The following GRM3 variants were observed in gnomAD, a reference collection of about 807,000 sequenced individuals.
GRM3 encodes glutamate metabotropic receptor 3, also known as metabotropic glutamate receptor 3.
Under a neutral mutation model 70.5 loss-of-function variants are expected in GRM3, and 26 were observed. The observed-to-expected ratio is 0.37, with a 90% CI of 0.27 to 0.51. GRM3 has a LOEUF of 0.51. GRM3 is among the 20% of genes least tolerant of loss of function. The pLI is 0.93. For synonymous variants in GRM3, 443 were observed against 434.9 expected (o/e 1.02, Z -0.23); for missense variants, 859 against 1,123.8 (o/e 0.76, Z 3.37).
intron 3 of GRM3, among the ~76,000 whole-genome samples, chr7:86,809,180 C>T (rs59711461): frequency 0.072 from 10,867 of 151,974 alleles, 1,277 homozygotes; most frequent in African/African-American, 0.25. Context: ...TCAACTAGAA[C>T]GAGAATCAAT....
intron 1 of GRM3, among the ~76,000 whole-genome samples, chr7:86,722,227 T>G (rs1309295370): frequency 1.3e-5 from 2 of 152,094 alleles, no homozygotes; most frequent in African/African-American, 4.8e-5. Context: ...TGAAATACCA[T>G]TTGACCCAGC....
intron 1 of GRM3, among the ~76,000 whole-genome samples, chr7:86,746,341 T>TATATATATA: frequency 1.1e-5 from 1 of 87,444 alleles, no homozygotes; most frequent in African/African-American, 5.9e-5. Flanking sequence ...CAGTCATGTA[T>TATATATATA]TATATATATA....
At chr7:86,855,169 A>G (rs565066047) in intron 5 of GRM3, among the ~76,000 whole-genome samples, 2 of 152,308 alleles carry the variant, frequency 1.3e-5, no homozygotes, top group African/African-American at 2.4e-5. Context: ...AGATTCCCAG[A>G]GTTGGTTCCT....
chr7:86,664,944 A>G (rs1352840609), intron 1 of GRM3, among the ~76,000 whole-genome samples: 3 of 152,034 alleles, frequency 2.0e-5, no homozygotes, highest in African/African-American at 4.8e-5. Context: ...TGCTTTTAAG[A>G]TATTATAAAC....
intron 3 of GRM3, among the ~76,000 whole-genome samples, chr7:86,823,454 C>A (rs568364170): frequency 6.6e-6 from 1 of 152,034 alleles, no homozygotes; most frequent in Non-Finnish European, 1.5e-5. Flanking sequence ...AATGCTGCCA[C>A]TAAATCACTT....
chr7:86,782,627 T>C (rs1207781338), intron 2 of GRM3, among the ~76,000 whole-genome samples: 1 of 152,226 alleles, frequency 6.6e-6, no homozygotes, highest in Non-Finnish European at 1.5e-5. Context: ...CAGGCTTATG[T>C]CAATCTTCTA....
chr7:86,697,830 G>T (rs1424713414), intron 1 of GRM3, among the ~76,000 whole-genome samples: 1 of 152,068 alleles, frequency 6.6e-6, no homozygotes, highest in Non-Finnish European at 1.5e-5. Context: ...AGAGATACCA[G>T]AACCCATCTC....
intron 1 of GRM3, among the ~76,000 whole-genome samples, chr7:86,733,083 G>A (rs1188222982): frequency 1.3e-5 from 2 of 152,114 alleles, no homozygotes; most frequent in African/African-American, 4.8e-5. Context: ...GGGAGGCTGA[G>A]GTGGGTGGAT....
intron 1 of GRM3, among the ~76,000 whole-genome samples, chr7:86,674,064 G>T (rs1273594762): frequency 6.6e-6 from 1 of 152,046 alleles, no homozygotes; most frequent in Non-Finnish European, 1.5e-5. Flanking sequence ...GCACCAAAAT[G>T]TAGCCATTTA....
intron 1 of GRM3, among the ~76,000 whole-genome samples, chr7:86,666,287 T>A (rs777565139): frequency 4.6e-5 from 7 of 152,028 alleles, no homozygotes; most frequent in Non-Finnish European, 8.8e-5. Flanking sequence ...GGAAAATAGC[T>A]TACTTACAGA....
At chr7:86,759,914 C>A (rs927384427) in intron 1 of GRM3, among the ~76,000 whole-genome samples, 3 of 152,072 alleles carry the variant, frequency 2.0e-5, no homozygotes, top group Non-Finnish European at 2.9e-5. Context: ...ATAGCTACAG[C>A]GTCTGTTTGT....
chr7:86,857,845 G>T lies in GRM3; in HGVS notation c.2567-6437G>T, dbSNP rs146103232. Among the ~76,000 whole-genome samples, 335 of 152,260 alleles carry T rather than the reference G, an allele frequency of 2.2e-3. 1 individual carries two copies. The highest frequency in any genetic ancestry group is 7.5e-3 in the African/African-American group (310 of 41,576). On this transcript the variant is annotated intron_variant, in intron 5 of 5. Transcript: ENST00000361669. ...GATTGGTAGAAAAGCACAGAAAAAT[G>T]ATCCTTTTCATTTACCAATTATTTA...
chr7:86,713,998 G>A (rs115070216), intron 1 of GRM3, among the ~76,000 whole-genome samples: 4,670 of 152,014 alleles, frequency 0.031, 92 homozygotes, highest in East Asian at 0.063. Flanking sequence ...CTAGGAGACA[G>A]GAGGACTTAT....
chr7:86,655,852 GGGTGGGT>G, intron 1 of GRM3, among the ~76,000 whole-genome samples: 1 of 133,958 alleles, frequency 7.5e-6, no homozygotes, highest in African/African-American at 3.3e-5. Flanking sequence ...GTGTGTGTGT[GGGTGGGT>G]GGGTGTGTGT....
At chr7:86,856,729 A>G (rs1335279238) in intron 5 of GRM3, among the ~76,000 whole-genome samples, 1 of 152,188 alleles carries the variant, frequency 6.6e-6, no homozygotes, top group Non-Finnish European at 1.5e-5. Context: ...TAGAGAATTG[A>G]TGTTTAGTAC....
chr7:86,707,131 A>G (rs189699259), intron 1 of GRM3, among the ~76,000 whole-genome samples: 16 of 152,210 alleles, frequency 1.1e-4, no homozygotes, highest in African/African-American at 3.6e-4. Context: ...GCATATCTAC[A>G]CTTTCCACAT....
chr7:86,701,071 C>T (rs545369270), intron 1 of GRM3, among the ~76,000 whole-genome samples: 2 of 151,888 alleles, frequency 1.3e-5, no homozygotes, highest in East Asian at 3.9e-4. Flanking sequence ...TTCTGTTATC[C>T]AGAATTAAAC....
intron 1 of GRM3, among the ~76,000 whole-genome samples, chr7:86,761,009 A>G (rs1242573308): frequency 3.3e-5 from 5 of 152,174 alleles, no homozygotes; most frequent in Non-Finnish European, 5.9e-5. Flanking sequence ...AAGGAAACCA[A>G]TGGTATACAA....
intron 1 of GRM3, among the ~76,000 whole-genome samples, chr7:86,666,101 A>G (rs1331754683): frequency 6.6e-6 from 1 of 152,084 alleles, no homozygotes; most frequent in Non-Finnish European, 1.5e-5. Context: ...ATGTATTTTA[A>G]CAAAAGCATG....
Sources: allele counts gnomAD v4.1 joint callset (sites outside exome capture counted in the v4.1 genomes callset), GRCh38; gene constraint gnomAD v4.1.1; transcripts MANE v1.5; gene names NCBI Gene and HGNC (gene_info 2026-07-23, HGNC 2026-07-21).